The following SCFD2 variants were observed in gnomAD, a reference collection of about 807,000 sequenced individuals.
SCFD2 encodes sec1 family domain containing 2, also known as sec1 family domain-containing protein 2.
In SCFD2, 54 loss-of-function variants were observed where a neutral mutation model predicts 58.9. The ratio of observed to expected loss-of-function variants is 0.92; its 90% CI spans 0.74 to 1.15. The LOEUF (loss-of-function observed/expected upper bound fraction) is 1.15. SCFD2 is among the 50% of genes most tolerant of loss of function. The pLI is 0.00. For missense variants in SCFD2, 805 were observed against 836.6 expected (o/e 0.96, Z 0.47); for synonymous variants, 321 against 335.9 (o/e 0.96, Z 0.49).
rs907842213 is a variant in SCFD2 at position 52,974,575 on chromosome 4, A to G, written c.1562-53705T>C. On this transcript the variant is annotated intron_variant, in intron 5 of 8. Transcript: ENST00000401642. Reference sequence around the variant, plus strand: ...CTCATGGGTAGGAAGAATCAATATCATGAAAATGGCCATACTGCCCAAGGT... The same window carrying G: ...CTCATGGGTAGGAAGAATCAATATCGTGAAAATGGCCATACTGCCCAAGGT... Among the ~76,000 whole-genome samples, 134 of 152,120 alleles carry G rather than the reference A, an allele frequency of 8.8e-4. 1 individual carries two copies. Among genetic ancestry groups the G allele is most frequent in the African/African-American group, 3.0e-3 (123 of 41,428 alleles).
chr4:53,244,557 T>C (rs1281241270), intron 4 of SCFD2, among the ~76,000 whole-genome samples: 1 of 151,998 alleles, frequency 6.6e-6, no homozygotes, highest in Admixed American at 6.6e-5. Flanking sequence ...AGAATAAAGA[T>C]ACAACATACC....
rs1578001252 is a variant in SCFD2, at chr4:53,356,593, T to G, written c.839-3827A>C. On this transcript the variant is annotated intron_variant, in intron 1 of 8. Transcript: ENST00000401642. ...GCATGCAACACCATGCCCAGCTAAT[T>G]TTTTGTATTTTTTGTAGAGATGGGG... 2.0e-5 allele frequency among the ~76,000 whole-genome samples: 3 copies of G among 152,104 alleles called. No individual in the cohort carries two copies. In the South Asian group the frequency reaches 6.2e-4, roughly 32 times the overall value.
At chr4:53,087,621 C>A (rs1724346382) in intron 5 of SCFD2, among the ~76,000 whole-genome samples, 2 of 151,024 alleles carry the variant, frequency 1.3e-5, no homozygotes, top group Non-Finnish European at 2.9e-5. Flanking sequence ...GCGTGAGCCA[C>A]TGTGCCTGGC....
At chr4:53,229,773 G>T (rs967759766) in intron 4 of SCFD2, among the ~76,000 whole-genome samples, 1 of 152,142 alleles carries the variant, frequency 6.6e-6, no homozygotes, top group Non-Finnish European at 1.5e-5. Context: ...TGACAAATGG[G>T]ATCTCATTAA....
At chr4:53,112,321 G>A (rs1017093256) in intron 5 of SCFD2, among the ~76,000 whole-genome samples, 2 of 152,076 alleles carry the variant, frequency 1.3e-5, no homozygotes, top group African/African-American at 4.8e-5. Context: ...TATTACAAAA[G>A]ACTCTAGCCT....
chr4:53,206,669 G>A (rs1245886978), intron 4 of SCFD2, among the ~76,000 whole-genome samples: 4 of 152,120 alleles, frequency 2.6e-5, no homozygotes, highest in African/African-American at 9.7e-5. Context: ...TGACAGTAAT[G>A]AGTTTGTAAT....
chr4:53,229,571 T>C (rs1729358527), intron 4 of SCFD2, among the ~76,000 whole-genome samples: 1 of 152,180 alleles, frequency 6.6e-6, no homozygotes, highest in Non-Finnish European at 1.5e-5. Context: ...TGGCCATATC[T>C]AGAGAACTGA....
chr4:53,142,374 T>C (rs1334345526), intron 5 of SCFD2, among the ~76,000 whole-genome samples: 1 of 152,156 alleles, frequency 6.6e-6, no homozygotes, highest in Non-Finnish European at 1.5e-5. Flanking sequence ...ATTCCCTATT[T>C]TCAATAATTC....
chr4:53,039,891 A>G (rs537485351), intron 5 of SCFD2, among the ~76,000 whole-genome samples: 1 of 152,184 alleles, frequency 6.6e-6, no homozygotes, highest in African/African-American at 2.4e-5. Context: ...CCCTGCCTCT[A>G]TGCTGACTTC....
chr4:53,232,751 G>A (rs374892481), intron 4 of SCFD2, among the ~76,000 whole-genome samples: 2 of 152,036 alleles, frequency 1.3e-5, no homozygotes, highest in South Asian at 4.1e-4. Context: ...CGGATCATTC[G>A]ACATTCATCA....
chr4:52,973,362 A>C (rs1437914971), intron 5 of SCFD2, among the ~76,000 whole-genome samples: 1 of 152,254 alleles, frequency 6.6e-6, no homozygotes. Context: ...ATAGAAATAC[A>C]AACTACCATC....
chr4:53,213,883 C>T (rs1728710565), intron 4 of SCFD2, among the ~76,000 whole-genome samples: 1 of 152,014 alleles, frequency 6.6e-6, no homozygotes, highest in Non-Finnish European at 1.5e-5. Flanking sequence ...TCAATTCCCA[C>T]CTATGAGTGA....
At position 53,273,844 on chromosome 4, in the gene SCFD2, A is replaced by C. The variant is rs763041661; in HGVS notation, c.1293T>G (p.Phe431Leu). ...QTAKWDNFLAFERLLLQSIGE... is the reference protein window; with the variant it reads ...QTAKWDNFLALERLLLQSIGE... The stretch of plus-strand genomic sequence containing the variant: ...AACATACCTGAAGAAGGAGCCTTTC[A>C]AAAGCCAGAAAGTTGTCCCACTTGG... Residue 431 changes from phenylalanine (F) to leucine (L), a missense_variant, in exon 4 of 9, where the codon TTT (phenylalanine) becomes TTG (leucine). Coordinates refer to ENST00000401642, the MANE Select transcript of SCFD2 (RefSeq NM_152540.4). 1 of 1,613,298 alleles carries C rather than the reference A, an allele frequency of 6.2e-7. No homozygotes were observed. The highest frequency in any genetic ancestry group is 8.5e-7 in the Non-Finnish European group (1 of 1,179,612).
intron 7 of SCFD2, among the ~76,000 whole-genome samples, chr4:52,887,374 C>T (rs993242374): frequency 2.0e-5 from 3 of 152,118 alleles, no homozygotes; most frequent in Non-Finnish European, 4.4e-5. Context: ...TTCTTATATA[C>T]TAAAATGAGA....
chr4:53,108,606 A>G (rs921920562), intron 5 of SCFD2, among the ~76,000 whole-genome samples: 1 of 152,222 alleles, frequency 6.6e-6, no homozygotes, highest in Non-Finnish European at 1.5e-5. Flanking sequence ...CAAATAAACT[A>G]GAAAATCTAG....
At chr4:52,993,847 G>T (rs370430493) in intron 5 of SCFD2, among the ~76,000 whole-genome samples, 103 of 152,350 alleles carry the variant, frequency 6.8e-4, no homozygotes, top group African/African-American at 2.4e-3. Context: ...AATAGCCTCA[G>T]AAAAAGGCTC....
Position 52,915,254 on chromosome 4 carries a change from C to G in SCFD2, c.1707+5471G>C, listed in dbSNP as rs1719575173. On this transcript the variant is annotated intron_variant, in intron 6 of 8. Transcript: ENST00000401642. Reference sequence around the variant, plus strand: ...GTGGCCACAGTCACATCTCCATCAGCTGGGGCTGCTGACCTTGTTTTTGCT... The same window carrying G: ...GTGGCCACAGTCACATCTCCATCAGGTGGGGCTGCTGACCTTGTTTTTGCT... Among the ~76,000 whole-genome samples, 6 of 152,218 alleles carry G rather than the reference C, an allele frequency of 3.9e-5. No individual in the cohort carries two copies. The South Asian group carries it at 1.0e-3, about 26-fold the overall frequency.
intron 5 of SCFD2, among the ~76,000 whole-genome samples, chr4:52,972,239 A>C (rs1393077059): frequency 6.6e-6 from 1 of 152,226 alleles, no homozygotes; most frequent in Non-Finnish European, 1.5e-5. Flanking sequence ...ATAAAGAGTC[A>C]AGACCCATCA....
intron 3 of SCFD2, among the ~76,000 whole-genome samples, chr4:53,288,615 C>A (rs565641109): frequency 6.6e-6 from 1 of 151,882 alleles, no homozygotes; most frequent in Admixed American, 6.6e-5. Flanking sequence ...ATGAAAAAAA[C>A]AAAACAAAAC....
Sources: allele counts gnomAD v4.1 joint callset (sites outside exome capture counted in the v4.1 genomes callset), GRCh38; gene constraint gnomAD v4.1.1; transcripts MANE v1.5; gene names NCBI Gene and HGNC (gene_info 2026-07-23, HGNC 2026-07-21).